Variants in LYPLAL1 observed in about 807,000 individuals in gnomAD.
LYPLAL1 encodes the protein lysophospholipase-like protein 1.
In LYPLAL1, 23 loss-of-function variants were observed where a neutral mutation model predicts 19.7. The ratio of observed to expected loss-of-function variants is 1.17; its 90% CI spans 0.84 to 1.65. LYPLAL1 has a LOEUF of 1.65. Ranked by LOEUF, LYPLAL1 falls within the 40% of genes most tolerant of loss-of-function variation. LYPLAL1 has a pLI of 0.00. For missense variants in LYPLAL1, 355 were observed against 279.4 expected (o/e 1.27, Z -1.93); for synonymous variants, 119 against 96.3 (o/e 1.24, Z -1.38).
chr1:219,311,525 G>A, the LYPLAL1 span, among the ~76,000 whole-genome samples: 1 of 104,380 alleles, frequency 9.6e-6, no homozygotes, highest in Admixed American at 1.3e-4. Context: ...TCCCTTCTAT[G>A]TTGTAGGTGT....
chr1:219,312,506 G>A, the LYPLAL1 span, among the ~76,000 whole-genome samples: 1 of 152,114 alleles, frequency 6.6e-6, no homozygotes, highest in Non-Finnish European at 1.5e-5. Flanking sequence ...AGACCCCTGG[G>A]GAAACCACGC....
chr1:219,187,243 A>T (rs1444866820), intron 2 of LYPLAL1, among the ~76,000 whole-genome samples: 4 of 151,702 alleles, frequency 2.6e-5, no homozygotes, highest in Admixed American at 6.6e-5. Flanking sequence ...ACAGCATATA[A>T]GTGTGTTTTG....
At chr1:219,243,020 CA>C in the LYPLAL1 span, among the ~76,000 whole-genome samples, 1 of 152,110 alleles carries the variant, frequency 6.6e-6, no homozygotes, top group African/African-American at 2.4e-5. Flanking sequence ...CAATCCGAAA[CA>C]GGGGAAAGAA....
chr1:219,278,708 A>AACAACAACAACAAC, the LYPLAL1 span, among the ~76,000 whole-genome samples: 1 of 74,606 alleles, frequency 1.3e-5, no homozygotes, highest in Admixed American at 1.2e-4. Flanking sequence ...ACAACAACAA[A>AACAACAACAACAAC]ACGTTTCATG....
the LYPLAL1 span, among the ~76,000 whole-genome samples, chr1:219,231,797 A>G: frequency 6.6e-6 from 1 of 152,164 alleles, no homozygotes; most frequent in South Asian, 2.1e-4. Context: ...TTACATGTTG[A>G]ACATCAATAT....
the LYPLAL1 span, among the ~76,000 whole-genome samples, chr1:219,317,592 T>C: frequency 6.6e-6 from 1 of 152,140 alleles, no homozygotes; most frequent in East Asian, 1.9e-4. Context: ...GTTATCCTAA[T>C]TGTCCCAGGA....
the LYPLAL1 span, among the ~76,000 whole-genome samples, chr1:219,362,896 C>T: frequency 6.6e-6 from 1 of 151,628 alleles, no homozygotes; most frequent in Non-Finnish European, 1.5e-5. Flanking sequence ...ATTCAAGAGG[C>T]TATTGTGATT....
At chr1:219,237,550 A>T in the LYPLAL1 span, among the ~76,000 whole-genome samples, 1 of 152,230 alleles carries the variant, frequency 6.6e-6, no homozygotes, top group African/African-American at 2.4e-5. Flanking sequence ...TCCGTTTTGT[A>T]TAGAGTTATA....
the LYPLAL1 span, among the ~76,000 whole-genome samples, chr1:219,289,041 A>G: frequency 1.3e-5 from 2 of 150,282 alleles, no homozygotes; most frequent in Non-Finnish European, 3.0e-5. Flanking sequence ...TAGGGAGGCC[A>G]TGCAGAAATG....
the LYPLAL1 span, among the ~76,000 whole-genome samples, chr1:219,436,852 AAAC>A: frequency 0.015 from 2,247 of 152,348 alleles, 68 homozygotes; most frequent in African/African-American, 0.05. Context: ...TAGGGAGTCA[AAAC>A]AACATCTTGC....
chr1:219,238,297 C>G, the LYPLAL1 span, among the ~76,000 whole-genome samples: 1 of 126,168 alleles, frequency 7.9e-6, no homozygotes, highest in South Asian at 2.7e-4. Flanking sequence ...GCCACCGCGC[C>G]CGGCTAATTT....
chr1:219,393,937 C>T, the LYPLAL1 span, among the ~76,000 whole-genome samples: 2 of 151,460 alleles, frequency 1.3e-5, no homozygotes, highest in Admixed American at 1.3e-4. Flanking sequence ...TAGAAAAAAA[C>T]TTGTGTTTCT....
At chr1:219,370,179 T>C in the LYPLAL1 span, among the ~76,000 whole-genome samples, 6 of 152,078 alleles carry the variant, frequency 3.9e-5, no homozygotes, top group African/African-American at 1.4e-4. Context: ...GGGTGTCCAG[T>C]TTTCCAGCTT....
At chr1:219,372,632 G>A in the LYPLAL1 span, among the ~76,000 whole-genome samples, 65,198 of 152,072 alleles carry the variant, frequency 0.43, 14,778 homozygotes, top group East Asian at 0.78. Flanking sequence ...TGGCCTGCTG[G>A]CTCACACCTG....
the LYPLAL1 span, among the ~76,000 whole-genome samples, chr1:219,305,460 C>A: frequency 1.3e-5 from 2 of 152,242 alleles, no homozygotes; most frequent in East Asian, 3.9e-4. Flanking sequence ...CCCCTCAAGA[C>A]TATTCATTTA....
the LYPLAL1 span, among the ~76,000 whole-genome samples, chr1:219,248,755 A>G: frequency 3.3e-5 from 5 of 152,248 alleles, no homozygotes; most frequent in South Asian, 1.0e-3. Context: ...TCAACATTGA[A>G]GAGTATTGTG....
At chr1:219,221,311 A>G in the LYPLAL1 span, among the ~76,000 whole-genome samples, 2 of 151,932 alleles carry the variant, frequency 1.3e-5, no homozygotes, top group East Asian at 1.9e-4. Flanking sequence ...TCTATGAATC[A>G]GGGGCTCCAC....
intron 3 of LYPLAL1, among the ~76,000 whole-genome samples, chr1:219,206,102 GA>G (rs1467909228): frequency 6.6e-6 from 1 of 151,932 alleles, no homozygotes; most frequent in African/African-American, 2.4e-5. Flanking sequence ...ACTTTAAGTG[GA>G]TTTTTTTAAG....
the LYPLAL1 span, among the ~76,000 whole-genome samples, chr1:219,228,787 C>G: frequency 6.6e-6 from 1 of 151,956 alleles, no homozygotes; most frequent in Non-Finnish European, 1.5e-5. Flanking sequence ...TCCAGAGATT[C>G]TCCTGCCTCA....
Sources: gnomAD v4.1 joint callset for allele counts (sites outside exome capture counted in the v4.1 genomes callset) on GRCh38, gnomAD v4.1.1 for gene constraint, MANE v1.5 for transcripts, NCBI Gene and HGNC (gene_info 2026-07-23, HGNC 2026-07-21) for gene names.